TRERF1: variants seen among roughly 807,000 people sequenced by gnomAD.
TRERF1 encodes transcriptional regulating factor 1, also known as transcriptional-regulating factor 1.
Under a neutral mutation model 122.9 loss-of-function variants are expected in TRERF1, and 27 were observed. The ratio of observed to expected loss-of-function variants is 0.22; its 90% confidence interval spans 0.16 to 0.30. The LOEUF (loss-of-function observed/expected upper bound fraction) is 0.30. Ranked by LOEUF, TRERF1 falls within the 10% of genes least tolerant of loss-of-function variation. The pLI, the probability that TRERF1 is intolerant of heterozygous loss-of-function variation, is 1.00. For missense variants in TRERF1, 1,248 were observed against 1,560.3 expected, an observed-to-expected ratio of 0.80 and a Z score of 3.37; for synonymous variants, 636 against 641.7, an observed-to-expected ratio of 0.99 and a Z score of 0.13.
intron 2 of TRERF1, among the ~76,000 whole-genome samples, chr6:42,420,920 G>A (rs1323898186): frequency 1.3e-5 from 2 of 152,134 alleles, no homozygotes; most frequent in Non-Finnish European, 2.9e-5. Context: ...AACACTTCCC[G>A]CTTTTTCAGC....
chr6:42,319,639 T>C (rs777180016), intron 3 of TRERF1, among the ~76,000 whole-genome samples: 5 of 151,906 alleles, frequency 3.3e-5, no homozygotes, highest in Admixed American at 2.0e-4. Context: ...CTGAACAACA[T>C]AGGGAAACCC....
At chr6:42,225,615 CATCCTGAT>C (rs1562084340) in exon 18 of TRERF1, 3 of 151,906 alleles carry the variant, frequency 2.0e-5, no homozygotes, top group South Asian at 2.1e-4. Context: ...GAATAAATTA[CATCCTGAT>C]ATGGAAGGCA....
chr6:42,409,200 G>A (rs945794700), intron 2 of TRERF1, among the ~76,000 whole-genome samples: 3 of 151,952 alleles, frequency 2.0e-5, no homozygotes, highest in African/African-American at 4.8e-5. Flanking sequence ...GATTGCCTGC[G>A]CCCAGGAAGT....
intron 2 of TRERF1, among the ~76,000 whole-genome samples, chr6:42,423,059 G>C (rs969895783): frequency 1.3e-5 from 2 of 152,082 alleles, no homozygotes; most frequent in African/African-American, 4.8e-5. Context: ...GGCTGGTCTC[G>C]AACTCCTGAC....
At chr6:42,319,812 CAAAAAAAA>C (rs35939756) in intron 3 of TRERF1, among the ~76,000 whole-genome samples, 2 of 114,260 alleles carry the variant, frequency 1.8e-5, no homozygotes, top group Admixed American at 9.2e-5. Context: ...GACTGTGTTT[CAAAAAAAA>C]AAAAAAAAAA....
intron 4 of TRERF1, among the ~76,000 whole-genome samples, chr6:42,284,757 T>C (rs1185251297): frequency 6.6e-6 from 1 of 152,154 alleles, no homozygotes; most frequent in East Asian, 1.9e-4. Context: ...CACCTGCGTG[T>C]GAGTGTGACT....
chr6:42,259,297 C>T lies in TRERF1; in HGVS notation c.2269+42G>A. On this transcript the variant is annotated intron_variant, in intron 9 of 17. Transcript: ENST00000372922. This position sits in a 1 kb window ranked among gnomAD's most constrained non-coding sequence, Gnocchi z 4.9. ...AAAACGAGATGTCCCAGGACTTTACCCAGCACCCAGAGCCCAGGAGGACGC... is the reference window on the plus strand; with the variant it reads ...AAAACGAGATGTCCCAGGACTTTACTCAGCACCCAGAGCCCAGGAGGACGC... 1 of 1,479,624 alleles carries T rather than the reference C, an allele frequency of 6.8e-7. No homozygotes were observed. The highest frequency in any genetic ancestry group is 8.9e-7 in the Non-Finnish European group (1 of 1,124,014). The allele number at this position is 1,479,624 out of a possible 1,614,324, so 91.7% of individuals were successfully genotyped here. A position where few individuals can be genotyped will look rare whatever the true frequency, so the allele number is the denominator to read the frequency against.
Position 42,269,805 on chromosome 6 carries a change from G to C in TRERF1, c.-215C>G, listed in dbSNP as rs1779889616. On this transcript the variant is annotated 5_prime_UTR_variant, in exon 5 of 18. Transcript: ENST00000372922. The surrounding 1 kb of genome is among the most constrained non-coding windows in gnomAD (Gnocchi z 4.9). ...GGTTTCACATCCTCTCCCTGGCTGA[G>C]GTATAGACCACACAGCACTGTGGTG... 2.2e-6 allele frequency: 3 copies of C among 1,360,416 alleles called. No homozygotes were observed. The highest frequency in any genetic ancestry group is 2.9e-6 in the Non-Finnish European group (3 of 1,035,262). 84.3% of individuals were successfully genotyped at this position (1,360,416 alleles called of 1,614,324 possible). A position where few individuals can be genotyped will look rare whatever the true frequency, so the allele number is the denominator to read the frequency against.
intron 3 of TRERF1, among the ~76,000 whole-genome samples, chr6:42,340,294 G>C (rs575770242): frequency 1.3e-5 from 2 of 152,244 alleles, no homozygotes; most frequent in Non-Finnish European, 1.5e-5. Context: ...TTTAAGGGAT[G>C]TGTTAAGTAC....
At chr6:42,329,911 C>T (rs951958653) in intron 3 of TRERF1, among the ~76,000 whole-genome samples, 16 of 151,978 alleles carry the variant, frequency 1.1e-4, no homozygotes, top group African/African-American at 3.9e-4. Flanking sequence ...ATGGCATGAA[C>T]CCGGGAGGCA....
chr6:42,446,072 G>A (rs986821364), intron 2 of TRERF1, among the ~76,000 whole-genome samples: 4 of 152,094 alleles, frequency 2.6e-5, no homozygotes, highest in African/African-American at 4.8e-5. Context: ...CCGCCACCAC[G>A]CAGCCTAATT....
At chr6:42,265,877 G>C (rs1352507547) in intron 5 of TRERF1, 80 bp from the exon 6 acceptor site, 2 of 1,437,244 alleles carry the variant, frequency 1.4e-6, no homozygotes, top group Admixed American at 3.7e-5. Flanking sequence ...CGAGCAGTGG[G>C]AACACCAGGT....
chr6:42,251,213 G>A (rs937316689), intron 13 of TRERF1, among the ~76,000 whole-genome samples: 1 of 151,886 alleles, frequency 6.6e-6, no homozygotes, highest in African/African-American at 2.4e-5. Context: ...CCAGGCTGGT[G>A]TCGAACTCCT....
At chr6:42,330,977 C>T (rs1328104130) in intron 3 of TRERF1, among the ~76,000 whole-genome samples, 1 of 152,120 alleles carries the variant, frequency 6.6e-6, no homozygotes, top group Non-Finnish European at 1.5e-5. Context: ...CTGCACCCGA[C>T]CAGATGTTTT....
chr6:42,375,246 G>A (rs1429075401), intron 2 of TRERF1, among the ~76,000 whole-genome samples: 1 of 152,154 alleles, frequency 6.6e-6, no homozygotes, highest in Non-Finnish European at 1.5e-5. Flanking sequence ...ACCTGTTCAT[G>A]AAGATGCCTT....
At chr6:42,434,621 C>T (rs755111293) in intron 2 of TRERF1, among the ~76,000 whole-genome samples, 16 of 145,748 alleles carry the variant, frequency 1.1e-4, no homozygotes, top group African/African-American at 3.8e-4. Context: ...ACGCATTTTC[C>T]GACAAACAAA....
intron 3 of TRERF1, among the ~76,000 whole-genome samples, chr6:42,311,544 C>T (rs1761636939): frequency 6.6e-6 from 1 of 151,890 alleles, no homozygotes; most frequent in South Asian, 2.1e-4. Context: ...GTGGGTGGAT[C>T]ACAAGGTCAG....
Position 42,269,624 on chromosome 6 carries a change from A to G in TRERF1, c.-34T>C, listed in dbSNP as rs1172199835. ...CCTTGGTTGTGAACGTCCAGCCACA[A>G]AACCATAAAAAAGGTAAATAAAACA... is the stretch of plus-strand genomic sequence containing the variant. On this transcript the variant is annotated 5_prime_UTR_variant, in exon 5 of 18. Coordinates refer to ENST00000372922, the Ensembl canonical transcript of TRERF1. The surrounding 1 kb of genome is among the most constrained non-coding windows in gnomAD (Gnocchi z 4.9). 6.3e-7 allele frequency: 1 copy of G among 1,595,528 alleles called. No homozygotes were observed. The highest frequency in any genetic ancestry group is 1.7e-5 in the Admixed American group (1 of 57,662).
intron 16 of TRERF1, among the ~76,000 whole-genome samples, chr6:42,234,035 G>T (rs1771482443): frequency 6.6e-6 from 1 of 152,136 alleles, no homozygotes; most frequent in Non-Finnish European, 1.5e-5. Flanking sequence ...GTTGTGATGG[G>T]TGGGGGGCTC....
Sources: allele counts gnomAD v4.1 joint callset (sites outside exome capture counted in the v4.1 genomes callset), GRCh38; gene constraint gnomAD v4.1.1; non-coding constraint Gnocchi (gnomAD v3.1); transcripts MANE v1.5; gene names NCBI Gene and HGNC (gene_info 2026-07-23, HGNC 2026-07-21).